Variants in LRP1B observed in about 807,000 individuals in gnomAD.
LRP1B encodes the protein low-density lipoprotein receptor-related protein 1B.
A neutral mutation model predicts 556.6 loss-of-function variants in LRP1B; 217 were observed. That is an observed-to-expected ratio of 0.39 (90% CI 0.35 to 0.44). The LOEUF is 0.44. Among genes scored for constraint, LRP1B ranks in the 20% least tolerant of loss-of-function variants. The pLI, the probability that LRP1B is intolerant of heterozygous loss-of-function variation, is 1.00. For synonymous variants in LRP1B, 2,047 were observed against 1,865.8 expected, an observed-to-expected ratio of 1.10 and a Z score of -2.50; for missense variants, 5,053 against 5,620.8, an observed-to-expected ratio of 0.90 and a Z score of 3.23.
At chr2:141,205,819 A>G (rs1682250722) in intron 6 of LRP1B, among the ~76,000 whole-genome samples, 1 of 152,218 alleles carries the variant, frequency 6.6e-6, no homozygotes, top group Non-Finnish European at 1.5e-5. Flanking sequence ...CCTTTGAGAT[A>G]ATAAAAGACA....
intron 1 of LRP1B, among the ~76,000 whole-genome samples, chr2:141,839,074 T>C (rs1376462321): frequency 6.6e-6 from 1 of 152,216 alleles, no homozygotes; most frequent in Admixed American, 6.5e-5. Context: ...GTATATATTA[T>C]ACTTTAACAA....
chr2:141,899,100 A>T (rs2104929944), intron 1 of LRP1B, among the ~76,000 whole-genome samples: 1 of 152,280 alleles, frequency 6.6e-6, no homozygotes, highest in Admixed American at 6.5e-5. Context: ...ATTGATGCTA[A>T]GTTGAAACTG....
In LRP1B at chr2:140,444,336, C is replaced by T. The variant is rs2105303907; in HGVS notation, c.10288G>A (p.Asp3430Asn). The T allele has an allele frequency of 6.2e-7, 1 of 1,613,910 alleles. No individual in the cohort carries two copies. The highest frequency in any genetic ancestry group is 2.2e-5 in the East Asian group (1 of 44,840). ...DDCGDEEDER[D>N]CPENSCSPDY... is the part of the protein sequence containing the mutation. ...GTATTTTGAGGTGACTTACGACAGTCTCTTTCATCTTCCTCATCACCACAG... is the reference window on the plus strand; with the variant it reads ...GTATTTTGAGGTGACTTACGACAGTTTCTTTCATCTTCCTCATCACCACAG... The change falls in exon 65 of 91, where the codon GAC becomes AAC. Residue 3430 changes from aspartate (D) to asparagine (N), a missense_variant. Coordinates refer to ENST00000389484, the MANE Select transcript of LRP1B (RefSeq NM_018557.3).
At chr2:141,937,093 TA>T (rs1700655620) in intron 1 of LRP1B, among the ~76,000 whole-genome samples, 1 of 151,992 alleles carries the variant, frequency 6.6e-6, no homozygotes, top group Non-Finnish European at 1.5e-5. Flanking sequence ...AAAAAACCTT[TA>T]AAAATATAAC....
intron 3 of LRP1B, among the ~76,000 whole-genome samples, chr2:141,338,312 A>C (rs1392468674): frequency 6.6e-6 from 1 of 152,178 alleles, no homozygotes; most frequent in Non-Finnish European, 1.5e-5. Context: ...GAAAAGAGGA[A>C]GCAGAAGAAA....
rs528091564 is a variant in LRP1B at position 140,685,694 on chromosome 2, C to T, written c.6799+14556G>A. ...GCAAATGAAGCTTTCAGACAAGTCC[C>T]CTAAAACTTAATTATATAGCTGACA... is the stretch of plus-strand genomic sequence containing the variant. On this transcript the variant is annotated intron_variant, in intron 41 of 90. Coordinates refer to ENST00000389484, the MANE Select transcript of LRP1B (RefSeq NM_018557.3). 2.0e-5 allele frequency among the ~76,000 whole-genome samples: 3 copies of T among 152,178 alleles called. No homozygotes were observed. The East Asian group carries it at 5.8e-4, about 29-fold the overall frequency.
rs938857890 is a variant in LRP1B at position 141,211,373 on chromosome 2, G to A, written c.850+17810C>T. ...ACGGTGCCTCATGCCTGTAATCCCA[G>A]CACTTTGGGAGACCAAGGCAGGTGG... On this transcript the variant is annotated intron_variant, in intron 6 of 90. Transcript: ENST00000389484. Among the ~76,000 whole-genome samples, 10 of 150,976 alleles carry A rather than the reference G, an allele frequency of 6.6e-5. 1 individual carries two copies. The highest frequency in any genetic ancestry group is 6.6e-4 in the Admixed American group (10 of 15,186).
At chr2:140,697,619 G>T (rs1686477929) in intron 41 of LRP1B, among the ~76,000 whole-genome samples, 1 of 152,008 alleles carries the variant, frequency 6.6e-6, no homozygotes, top group South Asian at 2.1e-4. Context: ...AAAGAATGAA[G>T]TTCCAATATA....
chr2:141,679,783 CAT>C (rs1691038504), intron 2 of LRP1B, among the ~76,000 whole-genome samples: 1 of 151,806 alleles, frequency 6.6e-6, no homozygotes, highest in Admixed American at 6.6e-5. Flanking sequence ...CATGTATTAA[CAT>C]AAAGCACAAA....
At chr2:140,649,386 T>A (rs1311115742) in intron 41 of LRP1B, among the ~76,000 whole-genome samples, 1 of 152,152 alleles carries the variant, frequency 6.6e-6, no homozygotes, top group East Asian at 1.9e-4. Context: ...GTGGCAATCA[T>A]ATCCTACAAA....
rs1262974347 is a variant in LRP1B, at chr2:140,902,909, T to C, written c.3766+11A>G. 6.2e-7 allele frequency: 1 copy of C among 1,611,006 alleles called. No individual in the cohort carries two copies. The highest frequency in any genetic ancestry group is 1.3e-5 in the African/African-American group (1 of 74,842). ...CTTAAATATAGCAACACACACAAAA[T>C]AGTTACTTACCAACACTTGTACAAC... On this transcript the variant is annotated intron_variant, in intron 23 of 90. Transcript: ENST00000389484.
chr2:141,187,360 T>C (rs1044472775), intron 7 of LRP1B, among the ~76,000 whole-genome samples: 6 of 152,070 alleles, frequency 3.9e-5, no homozygotes, highest in African/African-American at 9.7e-5. Context: ...AAAGTCCACA[T>C]ATGGATGACA....
chr2:141,136,935 T>C (rs1015072109), intron 7 of LRP1B, among the ~76,000 whole-genome samples: 1 of 151,922 alleles, frequency 6.6e-6, no homozygotes, highest in Non-Finnish European at 1.5e-5. Context: ...TTCAGTTCTA[T>C]AGATACTATT....
At chr2:141,150,310 C>G (rs912539744) in intron 7 of LRP1B, among the ~76,000 whole-genome samples, 1 of 152,190 alleles carries the variant, frequency 6.6e-6, no homozygotes, top group Non-Finnish European at 1.5e-5. Flanking sequence ...GATCTGCTCC[C>G]TTAGTATTTG....
At chr2:140,707,360 C>T (rs780264620) in intron 37 of LRP1B, among the ~76,000 whole-genome samples, 14 of 152,104 alleles carry the variant, frequency 9.2e-5, no homozygotes, top group South Asian at 2.1e-4. Flanking sequence ...CGTCTCCTAG[C>T]GTGGGAGTCA....
intron 7 of LRP1B, among the ~76,000 whole-genome samples, chr2:141,187,086 T>A (rs533074247): frequency 4.7e-4 from 72 of 152,206 alleles, no homozygotes; most frequent in Non-Finnish European, 7.9e-4. Context: ...TTTGTAAATT[T>A]CCAATTCTTT....
At chr2:140,762,839 T>A (rs1688973689) in intron 35 of LRP1B, among the ~76,000 whole-genome samples, 1 of 152,080 alleles carries the variant, frequency 6.6e-6, no homozygotes, top group Non-Finnish European at 1.5e-5. Context: ...TTTAAATAAA[T>A]GCTATCAAAA....
At chr2:141,207,026 A>G (rs769266277) in intron 6 of LRP1B, among the ~76,000 whole-genome samples, 3 of 152,184 alleles carry the variant, frequency 2.0e-5, no homozygotes, top group African/African-American at 7.2e-5. Context: ...TTCAGAGTCA[A>G]CTGAAGCAGT....
rs1688788512 is a variant in LRP1B, at chr2:141,360,616, A to T, written c.344-105975T>A. 2.0e-5 allele frequency among the ~76,000 whole-genome samples: 3 copies of T among 152,196 alleles called. No individual in the cohort carries two copies. The South Asian group carries it at 6.2e-4, about 31-fold the overall frequency. ...GGTGGTGTAACTGAACCACTGTACTACCTCAATTTCAGAGTGTTTTGCCAG... is the reference window on the plus strand; with the variant it reads ...GGTGGTGTAACTGAACCACTGTACTTCCTCAATTTCAGAGTGTTTTGCCAG... On this transcript the variant is annotated intron_variant, in intron 3 of 90. Transcript: ENST00000389484.
Sources: allele counts gnomAD v4.1 joint callset (sites outside exome capture counted in the v4.1 genomes callset), GRCh38; gene constraint gnomAD v4.1.1; transcripts MANE v1.5; gene names NCBI Gene and HGNC (gene_info 2026-07-23, HGNC 2026-07-21).